CDH19: variants seen among roughly 807,000 people sequenced by gnomAD.
CDH19 encodes cadherin 19.
In CDH19, 67 loss-of-function variants were observed where a neutral mutation model predicts 64.2. The observed-to-expected ratio is 1.04, with a 90% confidence interval of 0.86 to 1.28. The LOEUF is 1.28. CDH19 is among the 50% of genes most tolerant of loss of function. CDH19 has a pLI of 0.00. For synonymous variants in CDH19, 346 were observed against 319.3 expected, an observed-to-expected ratio of 1.08 and a Z score of -0.89; for missense variants, 1,030 against 929.0, an observed-to-expected ratio of 1.11 and a Z score of -1.41.
At chr18:66,510,115 T>A (rs537245619) in intron 10 of CDH19, among the ~76,000 whole-genome samples, 1 of 151,910 alleles carries the variant, frequency 6.6e-6, no homozygotes, top group Non-Finnish European at 1.5e-5. Flanking sequence ...TCCCTCAAAA[T>A]ATTTTCTATA....
At chr18:66,516,290 ATAGAGAATC>A (rs1985733067) in intron 9 of CDH19, among the ~76,000 whole-genome samples, 2 of 151,990 alleles carry the variant, frequency 1.3e-5, no homozygotes, top group African/African-American at 4.8e-5. Context: ...AAGTCTGGAA[ATAGAGAATC>A]TAGTCCGCAA....
At chr18:66,570,414 C>A (rs539332288) in intron 2 of CDH19, among the ~76,000 whole-genome samples, 1 of 151,696 alleles carries the variant, frequency 6.6e-6, no homozygotes, top group South Asian at 2.1e-4. Flanking sequence ...TAGTATTATA[C>A]AATTTTCTAT....
At chr18:66,585,318 C>A (rs12458066) in intron 1 of CDH19, among the ~76,000 whole-genome samples, 1 of 151,774 alleles carries the variant, frequency 6.6e-6, no homozygotes, top group Non-Finnish European at 1.5e-5. Context: ...TACTGACTTT[C>A]GGGTTATTTT....
Position 66,572,076 on chromosome 18 carries a change from A to G in CDH19, c.129T>C (p.Arg43=), listed in dbSNP as rs1400122417. ...CAAAAAATTGGTTCCACACCCAGCC[A>G]CGCTTCACTCTCAAATGAGATCGCA... ...QPVRSHLRVK[R]GWVWNQFFVP... The change falls in exon 2 of 12, where the codon CGT becomes CGC. Residue 43 remains arginine, a synonymous_variant. Transcript: ENST00000262150. The G allele has an allele frequency of 6.2e-7, 1 of 1,611,590 alleles. No individual in the cohort carries two copies. Among genetic ancestry groups the G allele is most frequent in the African/African-American group, 1.3e-5 (1 of 74,868 alleles).
intron 5 of CDH19, among the ~76,000 whole-genome samples, chr18:66,550,004 AG>A (rs1237846962): frequency 6.6e-6 from 1 of 152,236 alleles, no homozygotes; most frequent in African/African-American, 2.4e-5. Flanking sequence ...GAAAAGGATG[AG>A]GAAAAAAAAG....
chr18:66,567,065 A>G (rs563342762), intron 3 of CDH19, among the ~76,000 whole-genome samples: 14 of 152,020 alleles, frequency 9.2e-5, no homozygotes, highest in East Asian at 7.7e-4. Context: ...TCACCCATAC[A>G]TAACACTTTT....
chr18:66,594,347 A>G (rs1365309653), intron 1 of CDH19, among the ~76,000 whole-genome samples: 2 of 152,118 alleles, frequency 1.3e-5, no homozygotes, highest in Admixed American at 6.5e-5. Flanking sequence ...ACAGTATCAG[A>G]CACACTAATG....
At chr18:66,582,554 T>C (rs1348963518) in intron 1 of CDH19, among the ~76,000 whole-genome samples, 1 of 151,014 alleles carries the variant, frequency 6.6e-6, no homozygotes, top group African/African-American at 2.4e-5. Context: ...TAAACATTCA[T>C]TGCACAGCAC....
chr18:66,549,744 C>T (rs1488700711), intron 5 of CDH19, among the ~76,000 whole-genome samples: 1 of 152,138 alleles, frequency 6.6e-6, no homozygotes, highest in Non-Finnish European at 1.5e-5. Flanking sequence ...ATGTTGGCTA[C>T]ACTGAGTAGT....
At chr18:66,524,703 T>C (rs905702803) in intron 9 of CDH19, among the ~76,000 whole-genome samples, 2 of 151,900 alleles carry the variant, frequency 1.3e-5, no homozygotes, top group African/African-American at 4.8e-5. Flanking sequence ...TAGAAACAAA[T>C]CCATGCTGAG....
At chr18:66,524,376 C>A (rs756621243) in intron 9 of CDH19, among the ~76,000 whole-genome samples, 1 of 151,684 alleles carries the variant, frequency 6.6e-6, no homozygotes, top group Non-Finnish European at 1.5e-5. Context: ...TTCGATTGTA[C>A]ATAGTTAATA....
chr18:66,602,773 T>C (rs1389112019), intron 1 of CDH19, among the ~76,000 whole-genome samples: 1 of 151,866 alleles, frequency 6.6e-6, no homozygotes, highest in Non-Finnish European at 1.5e-5. Context: ...TTTAAAAATT[T>C]TGAATAATTG....
At chr18:66,515,768 A>G (rs886710826) in intron 9 of CDH19, among the ~76,000 whole-genome samples, 1 of 151,866 alleles carries the variant, frequency 6.6e-6, no homozygotes, top group African/African-American at 2.4e-5. Flanking sequence ...TTTAAAATTC[A>G]CATAAAATCA....
chr18:66,584,088 T>C (rs143218598), intron 1 of CDH19, among the ~76,000 whole-genome samples: 1 of 152,190 alleles, frequency 6.6e-6, no homozygotes, highest in African/African-American at 2.4e-5. Flanking sequence ...AGAGAAAATA[T>C]TTGCAATCTA....
intron 5 of CDH19, among the ~76,000 whole-genome samples, chr18:66,547,192 G>T (rs1476134189): frequency 1.3e-5 from 2 of 152,270 alleles, no homozygotes; most frequent in East Asian, 3.9e-4. Flanking sequence ...TTGGTGAGAA[G>T]TGTTCATATT....
rs1568204089 is a variant in CDH19, at chr18:66,572,114, C to T, written c.91G>A (p.Val31Ile). 1.2e-6 allele frequency: 2 copies of T among 1,611,684 alleles called. No individual in the cohort carries two copies. Among genetic ancestry groups the T allele is most frequent in the African/African-American group, 2.7e-5 (2 of 74,852 alleles). The change falls in exon 2 of 12, where the codon GTC becomes ATC. Residue 31 changes from valine to isoleucine, a missense_variant. Coordinates refer to ENST00000262150, the MANE Select transcript of CDH19 (RefSeq NM_021153.4). ...AAATGAGATCGCACTGGCTGCTTGACTTTCTTTGTTTGAGAGTTTTCTGTT... is the reference window on the plus strand; with the variant it reads ...AAATGAGATCGCACTGGCTGCTTGATTTTCTTTGTTTGAGAGTTTTCTGTT... ...GATENSQTKK[V>I]KQPVRSHLRV...
At chr18:66,592,249 A>G (rs1348628609) in intron 1 of CDH19, among the ~76,000 whole-genome samples, 3 of 151,882 alleles carry the variant, frequency 2.0e-5, no homozygotes, top group Non-Finnish European at 4.4e-5. Context: ...GTACATATTC[A>G]AATATGAACA....
At chr18:66,510,274 G>A (rs541881614) in intron 10 of CDH19, among the ~76,000 whole-genome samples, 1 of 151,526 alleles carries the variant, frequency 6.6e-6, no homozygotes, top group Admixed American at 6.6e-5. Flanking sequence ...GATTTTATTC[G>A]CTAGGCAGAT....
chr18:66,602,142 A>G (rs531717253), intron 1 of CDH19, among the ~76,000 whole-genome samples: 5 of 152,090 alleles, frequency 3.3e-5, no homozygotes, highest in African/African-American at 1.2e-4. Context: ...ATTCTCATGT[A>G]AAGAAGGTAT....
Sources: allele counts gnomAD v4.1 joint callset (sites outside exome capture counted in the v4.1 genomes callset), GRCh38; gene constraint gnomAD v4.1.1; transcripts MANE v1.5; gene names NCBI Gene and HGNC (gene_info 2026-07-23, HGNC 2026-07-21).